The following IL17RA variants were observed in gnomAD, a reference collection of about 807,000 sequenced individuals.
IL17RA encodes interleukin 17 receptor A.
Under a neutral mutation model 50.4 loss-of-function variants are expected in IL17RA, and 34 were observed. The ratio of observed to expected loss-of-function variants is 0.67; its 90% confidence interval spans 0.51 to 0.90. The LOEUF is 0.90. IL17RA is among the 40% of genes least tolerant of loss of function. The pLI, the probability that IL17RA is intolerant of heterozygous loss-of-function variation, is 0.00. For synonymous variants in IL17RA, 585 were observed against 510.4 expected, an observed-to-expected ratio of 1.15 and a Z score of -1.97; for missense variants, 1,276 against 1,169.8, an observed-to-expected ratio of 1.09 and a Z score of -1.32.
chr22:17,105,722 G>GA lies in IL17RA; in HGVS notation c.943+120_943+121insA. On this transcript the variant is annotated intron_variant, in intron 10 of 12. Transcript: ENST00000319363. ...GCTGAACCGAGGCCAGCCCGGGGTG[G>GA]GGGGTGAGACCATGGTTTGTCGTGG... 4 of 1,387,306 alleles carry GA rather than the reference G, an allele frequency of 2.9e-6. 1 individual carries two copies. In the South Asian group the frequency reaches 3.5e-5, roughly 12 times the overall value. The allele number at this position is 1,387,306 out of a possible 1,614,324, so 85.9% of individuals were successfully genotyped here. A position where few individuals can be genotyped will look rare whatever the true frequency, so the allele number is the denominator to read the frequency against.
chr22:17,099,289 C>T (rs1423596757), intron 4 of IL17RA, among the ~76,000 whole-genome samples: 1 of 152,156 alleles, frequency 6.6e-6, no homozygotes, highest in Non-Finnish European at 1.5e-5. Context: ...AAAAAACCGC[C>T]CAGACCAAAG....
At chr22:17,085,614 C>T (rs2270243) in intron 1 of IL17RA, among the ~76,000 whole-genome samples, 70,333 of 151,898 alleles carry the variant, frequency 0.46, 19,006 homozygotes, top group Middle Eastern at 0.72. Context: ...AGAAGGGGCC[C>T]GGGGAGGAGC....
At chr22:17,104,602 G>T (rs1244711114) in intron 8 of IL17RA, 124 bp from the exon 9 acceptor site, 2 of 853,688 alleles carry the variant, frequency 2.3e-6, no homozygotes, top group Admixed American at 2.0e-5. Flanking sequence ...GGAGGGAGAT[G>T]ATGGTCACCT....
At position 17,112,988 on chromosome 22, in the gene IL17RA, AGTTTTTTTTTT is replaced by A. The variant is rs982655383; in HGVS notation, c.*3180_*3190del. 6.7e-5 allele frequency: 3 copies of A among 45,096 alleles called. No homozygotes were observed. The highest frequency in any genetic ancestry group is 2.7e-4 in the African/African-American group (3 of 11,130). 2.8% of individuals were successfully genotyped at this position (45,096 alleles called of 1,614,324 possible). A position where few individuals can be genotyped will look rare whatever the true frequency, so the allele number is the denominator to read the frequency against. ...TTTTCCTGCCTACTATCTTGATCCT[AGTTTTTTTTTT>A]GTTTTTTTTTTTTTTAAGGAATAAT... On this transcript the variant is annotated 3_prime_UTR_variant, in exon 13 of 13. Transcript: ENST00000319363.
At chr22:17,089,484 C>T (rs914585857) in intron 1 of IL17RA, among the ~76,000 whole-genome samples, 1 of 152,160 alleles carries the variant, frequency 6.6e-6, no homozygotes, top group Admixed American at 6.5e-5. Context: ...GCTGCCATCA[C>T]CTTCATTGTC....
intron 8 of IL17RA, 90 bp from the exon 9 acceptor site, chr22:17,104,636 G>T: frequency 8.4e-7 from 1 of 1,185,258 alleles, no homozygotes; most frequent in African/African-American, 1.5e-5. Flanking sequence ...TAGCCAGCCA[G>T]GATCCCCTCC....
intron 4 of IL17RA, among the ~76,000 whole-genome samples, chr22:17,099,291 A>G (rs1173123892): frequency 2.0e-5 from 3 of 152,200 alleles, no homozygotes; most frequent in African/African-American, 7.2e-5. Flanking sequence ...AAAACCGCCC[A>G]GACCAAAGAA....
Position 17,097,867 on chromosome 22 carries a change from C to G in IL17RA, c.234C>G (p.Ile78Met), listed in dbSNP as rs374444452. The change falls in exon 3 of 13, where the codon ATC becomes ATG. Residue 78 changes from isoleucine to methionine, a missense_variant. Physicochemically the swap from Ile to Met is conservative, Grantham distance 10 (BLOSUM62 1). Coordinates refer to ENST00000319363, the MANE Select transcript of IL17RA (RefSeq NM_014339.7). ...LTPSSPKDLQ[I>M]QLHFAHTQQG... is the part of the protein sequence containing the mutation. ...CCTCCTCCCCAAAGGACCTGCAGAT[C>G]CAGCTGCACTTTGCCCACACCCAAC... The G allele has an allele frequency of 9.9e-6, 16 of 1,614,088 alleles. No individual in the cohort carries two copies. The highest frequency in any genetic ancestry group is 1.3e-5 in the Non-Finnish European group (15 of 1,180,018).
Position 17,098,772 on chromosome 22 carries a change from C to T in IL17RA, c.311-3C>T, listed in dbSNP as rs1225325876. 3.1e-6 allele frequency: 5 copies of T among 1,612,674 alleles called. No individual in the cohort carries two copies. In the East Asian group the frequency reaches 8.9e-5, roughly 29 times the overall value. ...TTTGTCTTCTCTTCTCCCTCTCCTGCAGCCAGCATCCTGTACCTCGAGGGT... is the reference window on the plus strand; with the variant it reads ...TTTGTCTTCTCTTCTCCCTCTCCTGTAGCCAGCATCCTGTACCTCGAGGGT... On this transcript the variant is annotated splice_region_variant and splice_polypyrimidine_tract_variant and intron_variant, in intron 3 of 12. Coordinates refer to ENST00000319363, the MANE Select transcript of IL17RA (RefSeq NM_014339.7).
At chr22:17,100,561 C>T in intron 5 of IL17RA, 80 bp downstream of exon 5, 6 of 1,554,686 alleles carry the variant, frequency 3.9e-6, no homozygotes, top group South Asian at 3.3e-5. Flanking sequence ...ATGCCAGCCC[C>T]CCTGCTCAGC....
intron 1 of IL17RA, among the ~76,000 whole-genome samples, chr22:17,094,151 T>C (rs1007671252): frequency 1.3e-5 from 2 of 151,872 alleles, no homozygotes; most frequent in African/African-American, 4.8e-5. Context: ...ACCCAGCTAA[T>C]TTTTGTATTT....
chr22:17,110,705 T>C lies in IL17RA; in HGVS notation c.*885T>C, dbSNP rs2061438352. 1 of 152,138 alleles carries C rather than the reference T, an allele frequency of 6.6e-6. No individual in the cohort carries two copies. The highest frequency in any genetic ancestry group is 6.6e-5 in the Admixed American group (1 of 15,264). The allele number at this position is 152,138 out of a possible 1,614,324, so 9.4% of individuals were successfully genotyped here. A position where few individuals can be genotyped will look rare whatever the true frequency, so the allele number is the denominator to read the frequency against. On this transcript the variant is annotated 3_prime_UTR_variant, in exon 13 of 13. Transcript: ENST00000319363. ...AGTCAGTCATGGTGGCACATGCCTG[T>C]AGTCCCAGCTACTCGGGAGGCTGAT... is the stretch of plus-strand genomic sequence containing the variant.
chr22:17,085,314 G>C (rs1370223397), intron 1 of IL17RA, 85 bp downstream of exon 1: 1 of 1,518,624 alleles, frequency 6.6e-7, no homozygotes, highest in East Asian at 2.5e-5. Flanking sequence ...TCGGGACTAC[G>C]CGCCCGGGCT....
intron 12 of IL17RA, 43 bp from the exon 13 acceptor site, chr22:17,108,264 G>T: frequency 1.9e-6 from 3 of 1,599,478 alleles, no homozygotes; most frequent in Non-Finnish European, 2.6e-6. Context: ...AGCTGCCCTG[G>T]GCCCTGGGGT....
chr22:17,104,698 G>T, intron 8 of IL17RA, 28 bp from the exon 9 acceptor site: 1 of 1,609,234 alleles, frequency 6.2e-7, no homozygotes, highest in Non-Finnish European at 8.5e-7. Context: ...CAGTTCTGGA[G>T]CCCTTTTCCT....
At chr22:17,085,668 T>G (rs1281685559) in intron 1 of IL17RA, among the ~76,000 whole-genome samples, 1 of 152,110 alleles carries the variant, frequency 6.6e-6, no homozygotes, top group Non-Finnish European at 1.5e-5. Context: ...GCCCCTCACG[T>G]ACCCCGGCGG....
rs2061322152 is a variant in IL17RA at position 17,085,221 on chromosome 22, T to C, written c.130T>C (p.Ser44Pro). ...CCTGGACCACCGGGCGCTGGTCTGCTCCCAGCCGGTGAGACTCGACGTGGG... is the reference window on the plus strand; with the variant it reads ...CCTGGACCACCGGGCGCTGGTCTGCCCCCAGCCGGTGAGACTCGACGTGGG... ...RLLDHRALVCSQPGLNCTVKN... is the reference protein window; with the variant it reads ...RLLDHRALVCPQPGLNCTVKN... The change falls in exon 1 of 13, where the codon TCC becomes CCC. Residue 44 changes from serine (S) to proline (P), a missense_variant. Ser to Pro is a moderately conservative substitution (Grantham distance 74, BLOSUM62 -1). Coordinates refer to ENST00000319363, the MANE Select transcript of IL17RA (RefSeq NM_014339.7). 6.5e-7 allele frequency: 1 copy of C among 1,537,354 alleles called. No homozygotes were observed. Among genetic ancestry groups the C allele is most frequent in the Non-Finnish European group, 8.7e-7 (1 of 1,145,746 alleles).
intron 1 of IL17RA, among the ~76,000 whole-genome samples, chr22:17,092,231 A>AG (rs1452845825): frequency 6.6e-6 from 1 of 152,172 alleles, no homozygotes; most frequent in Non-Finnish European, 1.5e-5. Context: ...GGCACACCTG[A>AG]GGAGGGCATG....
Position 17,100,465 on chromosome 22 carries a change from G to T in IL17RA, c.534G>T (p.Lys178Asn). ...ATGGGGACCCAAACCACCAGTCCAA[G>T]AATTTCCTTGTGCCTGGTAAGAGCA... is the stretch of plus-strand genomic sequence containing the variant. ...IPDGDPNHQS[K>N]NFLVPDCEHA... Residue 178 changes from lysine (K) to asparagine (N), a missense_variant, in exon 5 of 13, where the codon AAG (lysine) becomes AAT (asparagine). Transcript: ENST00000319363. 1 of 1,614,162 alleles carries T rather than the reference G, an allele frequency of 6.2e-7. No individual in the cohort carries two copies. The highest frequency in any genetic ancestry group is 8.5e-7 in the Non-Finnish European group (1 of 1,180,030).
Sources: gnomAD v4.1 joint callset for allele counts (sites outside exome capture counted in the v4.1 genomes callset) on GRCh38, gnomAD v4.1.1 for gene constraint, MANE v1.5 for transcripts, NCBI Gene and HGNC (gene_info 2026-07-23, HGNC 2026-07-21) for gene names.